Variants in SLC30A9 observed in about 807,000 individuals in gnomAD.
SLC30A9 encodes proton-coupled zinc antiporter SLC30A9, mitochondrial.
A neutral mutation model predicts 87.5 loss-of-function variants in SLC30A9; 58 were observed. The ratio of observed to expected loss-of-function variants is 0.66; its 90% CI spans 0.54 to 0.82. SLC30A9 has a LOEUF of 0.82. Ranked by LOEUF, SLC30A9 falls within the 40% of genes least tolerant of loss-of-function variation. The pLI is 0.00. For missense variants in SLC30A9, 557 were observed against 679.1 expected, an observed-to-expected ratio of 0.82 and a Z score of 2.00; for synonymous variants, 234 against 233.0, an observed-to-expected ratio of 1.00 and a Z score of -0.04.
chr4:42,027,465 C>CTT (rs71198701), intron 6 of SLC30A9, among the ~76,000 whole-genome samples: 77 of 147,148 alleles, frequency 5.2e-4, no homozygotes, highest in Middle Eastern at 3.5e-3. Flanking sequence ...TGTACATGAC[C>CTT]TTTTTTTTTT....
intron 8 of SLC30A9, among the ~76,000 whole-genome samples, chr4:42,041,586 A>G (rs949209374): frequency 1.3e-5 from 2 of 152,108 alleles, no homozygotes; most frequent in African/African-American, 4.8e-5. Context: ...AATTTTTTTA[A>G]TTAGCTGGGC....
At chr4:41,999,971 TAGAG>T (rs1714906879) in intron 1 of SLC30A9, among the ~76,000 whole-genome samples, 6 of 152,200 alleles carry the variant, frequency 3.9e-5, no homozygotes, top group African/African-American at 1.4e-4. Flanking sequence ...TTGGTGCAGG[TAGAG>T]ATGAGATGAA....
chr4:42,030,600 G>C (rs1409592610), intron 6 of SLC30A9, among the ~76,000 whole-genome samples: 1 of 53,070 alleles, frequency 1.9e-5, no homozygotes, highest in African/African-American at 9.1e-5. Flanking sequence ...TTTTTTTTTT[G>C]GGCTCTTTCA....
intron 3 of SLC30A9, among the ~76,000 whole-genome samples, chr4:42,018,697 A>G (rs1367475870): frequency 1.3e-5 from 2 of 152,210 alleles, no homozygotes; most frequent in Non-Finnish European, 2.9e-5. Context: ...TTGTGGCTCC[A>G]GTGCTTACCA....
chr4:42,051,474 G>C (rs915584677), intron 9 of SLC30A9, among the ~76,000 whole-genome samples: 8 of 152,132 alleles, frequency 5.3e-5, no homozygotes, highest in African/African-American at 1.9e-4. Flanking sequence ...AGAATTAGCA[G>C]ACAAGGATAT....
At chr4:42,056,395 T>A (rs1004223312) in intron 9 of SLC30A9, among the ~76,000 whole-genome samples, 12 of 152,072 alleles carry the variant, frequency 7.9e-5, no homozygotes, top group African/African-American at 2.7e-4. Flanking sequence ...TGGTGGAAGG[T>A]GAAAGGCATG....
chr4:42,003,970 T>C (rs2660329), intron 2 of SLC30A9, among the ~76,000 whole-genome samples: 98,569 of 152,162 alleles, frequency 0.65, 36,057 homozygotes, highest in East Asian at 0.96. Flanking sequence ...TTTCTGTCTA[T>C]TCTGCTCTTT....
At chr4:42,034,313 A>G (rs1230415476) in intron 6 of SLC30A9, among the ~76,000 whole-genome samples, 1 of 152,186 alleles carries the variant, frequency 6.6e-6, no homozygotes, top group Non-Finnish European at 1.5e-5. Flanking sequence ...ACCATTTTTA[A>G]AGGTACAGTT....
intron 9 of SLC30A9, among the ~76,000 whole-genome samples, chr4:42,054,861 G>C (rs1429099401): frequency 1.3e-5 from 2 of 151,978 alleles, no homozygotes; most frequent in African/African-American, 4.8e-5. Context: ...TTTCTAAAAA[G>C]CCTAGTTTTT....
chr4:42,077,491 G>GC (rs1718603066), intron 16 of SLC30A9, among the ~76,000 whole-genome samples: 2 of 152,000 alleles, frequency 1.3e-5, no homozygotes, highest in South Asian at 2.1e-4. Flanking sequence ...TGCAACCTCC[G>GC]CCCCCCAGGT....
chr4:42,037,038 C>T lies in SLC30A9; in HGVS notation c.669+1705C>T, dbSNP rs1242833477. Among the ~76,000 whole-genome samples the T allele has an allele frequency of 2.7e-5, 4 of 148,982 alleles. No homozygotes were observed. The Admixed American group carries it at 2.8e-4, about 10-fold the overall frequency. On this transcript the variant is annotated intron_variant, in intron 7 of 17. Coordinates refer to ENST00000264451, the MANE Select transcript of SLC30A9 (RefSeq NM_006345.4). ...ACTTCAGAAGATTAATACTGGTCAA[C>T]TTTTGAATATTCCATGTTTTGAAAT... is the stretch of plus-strand genomic sequence containing the variant.
intron 6 of SLC30A9, chr4:42,030,060 T>C: frequency 1.2e-6 from 1 of 847,604 alleles, no homozygotes; most frequent in Non-Finnish European, 1.8e-6. Context: ...GTGAGAACAT[T>C]GGGCACAGTG....
At chr4:42,075,885 T>A (rs1560561352) in intron 16 of SLC30A9, 99 bp downstream of exon 16, 1 of 1,179,562 alleles carries the variant, frequency 8.5e-7, no homozygotes, top group Non-Finnish European at 1.2e-6. Context: ...AAAGGCACTT[T>A]AGCTCTCAAC....
At chr4:42,034,817 G>A (rs1165352937) in intron 6 of SLC30A9, among the ~76,000 whole-genome samples, 1 of 152,164 alleles carries the variant, frequency 6.6e-6, no homozygotes, top group African/African-American at 2.4e-5. Flanking sequence ...GGATTATATG[G>A]TAATTCTATG....
chr4:42,068,601 G>A (rs1302957996), intron 14 of SLC30A9, among the ~76,000 whole-genome samples: 2 of 152,308 alleles, frequency 1.3e-5, no homozygotes, highest in African/African-American at 4.8e-5. Context: ...TTTGTTATAT[G>A]TTGTTCCCTA....
At position 42,088,597 on chromosome 4, in the gene SLC30A9, G is replaced by C. The variant is rs1220976544; in HGVS notation, c.*2471G>C. 6.6e-6 allele frequency: 1 copy of C among 152,584 alleles called. No homozygotes were observed. The highest frequency in any genetic ancestry group is 1.5e-5 in the Non-Finnish European group (1 of 68,368). The allele number at this position is 152,584 out of a possible 1,614,324, so 9.5% of individuals were successfully genotyped here. A position where few individuals can be genotyped will look rare whatever the true frequency, so the allele number is the denominator to read the frequency against. Reference sequence around the variant, plus strand: ...CGAAGGGGAAGCAGTCATAGCCAGAGGAAGAGCAAGAGGCGGGGATTGGGG... The same window carrying C: ...CGAAGGGGAAGCAGTCATAGCCAGACGAAGAGCAAGAGGCGGGGATTGGGG... On this transcript the variant is annotated 3_prime_UTR_variant, in exon 18 of 18. Transcript: ENST00000264451.
At chr4:42,020,000 A>G (rs1319823609) in intron 3 of SLC30A9, among the ~76,000 whole-genome samples, 1 of 151,982 alleles carries the variant, frequency 6.6e-6, no homozygotes, top group South Asian at 2.1e-4. Flanking sequence ...GGGTTTCACC[A>G]TGTTGGCCAG....
At chr4:42,080,949 C>T (rs1577726854) in intron 17 of SLC30A9, among the ~76,000 whole-genome samples, 1 of 152,204 alleles carries the variant, frequency 6.6e-6, no homozygotes, top group Admixed American at 6.5e-5. Context: ...TATGGGTACA[C>T]TCTCAGGCTG....
intron 2 of SLC30A9, among the ~76,000 whole-genome samples, chr4:42,012,379 G>A (rs558527578): frequency 4.3e-4 from 65 of 152,254 alleles, no homozygotes; most frequent in African/African-American, 1.4e-3. Context: ...ATTTCATAGT[G>A]ATCTAAATAA....
Sources: allele counts gnomAD v4.1 joint callset (sites outside exome capture counted in the v4.1 genomes callset), GRCh38; gene constraint gnomAD v4.1.1; transcripts MANE v1.5; gene names NCBI Gene and HGNC (gene_info 2026-07-23, HGNC 2026-07-21).